PDE4DIP: variants seen among roughly 807,000 people sequenced by gnomAD.
PDE4DIP encodes the protein myomegalin.
PDE4DIP carries 59 observed loss-of-function variants against 221.4 expected under a neutral mutation model. The observed-to-expected ratio is 0.27, with a 90% CI of 0.22 to 0.33. The LOEUF (loss-of-function observed/expected upper bound fraction) is 0.33. Among genes scored for constraint, PDE4DIP ranks in the 10% least tolerant of loss-of-function variants. The pLI, the probability that PDE4DIP is intolerant of heterozygous loss-of-function variation, is 1.00. For missense variants in PDE4DIP, 1,036 were observed against 2,154.2 expected, an observed-to-expected ratio of 0.48 and a Z score of 10.28; for synonymous variants, 404 against 815.9, an observed-to-expected ratio of 0.50 and a Z score of 8.60.
exon 2 of PDE4DIP, chr1:148,929,207 T>C: frequency 1.2e-6 from 2 of 1,613,754 alleles, no homozygotes; most frequent in Non-Finnish European, 1.7e-6. Context: ...AACATTGAGC[T>C]GAAGGTTGAA....
intron 23 of PDE4DIP, among the ~76,000 whole-genome samples, chr1:149,000,720 C>T (rs1180288930): frequency 6.6e-6 from 1 of 151,282 alleles, no homozygotes; most frequent in Non-Finnish European, 1.5e-5. Context: ...TGAATGACTT[C>T]CCTGTTAGAC....
intron 5 of PDE4DIP, among the ~76,000 whole-genome samples, chr1:148,955,697 A>G (rs1285625367): frequency 6.6e-6 from 1 of 151,940 alleles, no homozygotes; most frequent in Non-Finnish European, 1.5e-5. Flanking sequence ...GATTCTTTAG[A>G]GATTATGTGA....
intron 32 of PDE4DIP, 97 bp downstream of exon 35, chr1:149,012,873 C>T (rs587700109): frequency 8.7e-5 from 55 of 630,676 alleles, no homozygotes; most frequent in Middle Eastern, 9.1e-4. Context: ...AAAAACAACA[C>T]GGGTACACGT....
exon 42 of PDE4DIP, chr1:149,029,797 C>T (rs782436057): frequency 1.9e-6 from 3 of 1,564,346 alleles, no homozygotes; most frequent in East Asian, 2.3e-5. Flanking sequence ...GGAGAATCAA[C>T]AGAAAGGGAA....
intron 17 of PDE4DIP, among the ~76,000 whole-genome samples, chr1:148,977,559 G>T: frequency 6.8e-6 from 1 of 147,038 alleles, no homozygotes; most frequent in Non-Finnish European, 1.5e-5. Flanking sequence ...ATTCATTAAG[G>T]GTTGCAAAAT....
At chr1:148,985,774 A>C (rs2061807864) in intron 21 of PDE4DIP, 1 of 152,160 alleles carries the variant, frequency 6.6e-6, no homozygotes, top group Admixed American at 6.5e-5. Flanking sequence ...TTTTCCTCTT[A>C]CTAAAACTGG....
At position 148,929,250 on chromosome 1, in the gene PDE4DIP, G is replaced by A. The variant is rs782372929; in HGVS notation, c.195G>A (p.Lys65=). ...GCTTGAAACGAGAACTCCAGGACAA[G>A]AAACAGCATCTGGATAAAACATGGT... is the stretch of plus-strand genomic sequence containing the variant. Residue 65 remains lysine (K), a synonymous_variant, in exon 2 of 44, where the codon AAG becomes AAA. Coordinates refer to ENST00000369354, the Ensembl canonical transcript of PDE4DIP. 31 of 1,613,424 alleles carry A rather than the reference G, an allele frequency of 1.9e-5. No homozygotes were observed. The Middle Eastern group carries it at 9.9e-4, about 52-fold the overall frequency.
intron 17 of PDE4DIP, among the ~76,000 whole-genome samples, chr1:148,974,820 T>C (rs636913): frequency 0.24 from 9,274 of 38,526 alleles, 652 homozygotes; most frequent in East Asian, 0.55. Flanking sequence ...TTAAAACTTA[T>C]TAAATGCTGG....
intron 31 of PDE4DIP, among the ~76,000 whole-genome samples, chr1:149,011,088 A>T (rs1335156677): frequency 6.6e-6 from 1 of 152,092 alleles, no homozygotes; most frequent in Non-Finnish European, 1.5e-5. Context: ...GTATGAATGG[A>T]TTGGCAGTCC....
At position 148,923,725 on chromosome 1, in the gene PDE4DIP, G is replaced by A. The variant is rs1355037228; in HGVS notation, c.142-5472G>A. On this transcript the variant is annotated intron_variant, in intron 1 of 43. Transcript: ENST00000369354. ...CCCGACCTCGTGATCTGCCCGCCTC[G>A]GCCTCCCAAAGTTCTGGGATTACAG... 9.0e-5 allele frequency among the ~76,000 whole-genome samples: 13 copies of A among 145,106 alleles called. 1 individual carries two copies. Among genetic ancestry groups the A allele is most frequent in the African/African-American group, 2.9e-4 (11 of 37,604 alleles).
At chr1:148,940,937 ACATT>A (rs1420524459) in intron 5 of PDE4DIP, among the ~76,000 whole-genome samples, 1 of 151,270 alleles carries the variant, frequency 6.6e-6, no homozygotes, top group African/African-American at 2.4e-5. Context: ...ACCCAATGGA[ACATT>A]CAAATTCCAA....
intron 1 of PDE4DIP, among the ~76,000 whole-genome samples, chr1:148,832,667 C>A (rs1221245448): frequency 1.3e-5 from 2 of 151,852 alleles, no homozygotes; most frequent in Non-Finnish European, 2.9e-5. Flanking sequence ...TTGTCAAAGG[C>A]CTTTCTGCAT....
intron 9 of PDE4DIP, among the ~76,000 whole-genome samples, chr1:148,963,903 G>A (rs1415906767): frequency 1.4e-5 from 2 of 147,534 alleles, no homozygotes; most frequent in African/African-American, 5.0e-5. Flanking sequence ...ACAGGCACTG[G>A]CCGCCACCAC....
At chr1:149,016,314 C>T (rs782175451) in exon 33 of PDE4DIP, 2 of 1,613,634 alleles carry the variant, frequency 1.2e-6, no homozygotes, top group Non-Finnish European at 1.7e-6. Context: ...AGCACTGTTC[C>T]TCCTGCTTCC....
intron 1 of PDE4DIP, among the ~76,000 whole-genome samples, chr1:148,816,118 AT>A: frequency 7.6e-6 from 1 of 130,812 alleles, no homozygotes; most frequent in South Asian, 2.8e-4. Context: ...GCTTATAATG[AT>A]GTACCTTTTA....
At position 148,819,779 on chromosome 1, in the gene PDE4DIP, G is replaced by T. The variant is rs1393057295; in HGVS notation, c.233+11042G>T. On this transcript the variant is annotated intron_variant, in intron 1 of 45. Coordinates refer to the PDE4DIP transcript ENST00000524974. The stretch of plus-strand genomic sequence containing the variant: ...ATCCAAAAGGATATCTCATGGAACT[G>T]TCTCCTGACCTCTAGTTTATTCTGA... 2.8e-5 allele frequency among the ~76,000 whole-genome samples: 2 copies of T among 70,906 alleles called. 1 individual carries two copies. The highest frequency in any genetic ancestry group is 1.5e-4 in the African/African-American group (2 of 13,634). The allele number at this position is 70,906 out of a possible 152,430, so 46.5% of individuals were successfully genotyped here.
chr1:149,021,438 G>C, intron 37 of PDE4DIP: 2 of 333,010 alleles, frequency 6.0e-6, no homozygotes, highest in African/African-American at 2.1e-5. Flanking sequence ...CAAAAGAACT[G>C]TCCTAATGAT....
chr1:148,962,343 G>T, intron 8 of PDE4DIP, 55 bp downstream of exon 11: 1 of 1,500,758 alleles, frequency 6.7e-7, no homozygotes, highest in Non-Finnish European at 9.3e-7. Context: ...GTGCCATTTT[G>T]GTTGCAGTCT....
At chr1:149,023,716 ATG>A (rs2073987098) in intron 37 of PDE4DIP, among the ~76,000 whole-genome samples, 1 of 57,694 alleles carries the variant, frequency 1.7e-5, no homozygotes, top group African/African-American at 6.8e-5. Flanking sequence ...GTACATGTAT[ATG>A]TGTGCACATA....
Sources: gnomAD v4.1 joint callset for allele counts (sites outside exome capture counted in the v4.1 genomes callset) on GRCh38, gnomAD v4.1.1 for gene constraint, MANE v1.5 for transcripts, NCBI Gene and HGNC (gene_info 2026-07-23, HGNC 2026-07-21) for gene names.